The following CIB1 variants were observed in gnomAD, a reference collection of about 807,000 sequenced individuals.
CIB1 encodes the protein calcium and integrin-binding protein 1.
Under a neutral mutation model 25.0 loss-of-function variants are expected in CIB1, and 19 were observed. The observed-to-expected ratio is 0.76, with a 90% CI of 0.53 to 1.12. CIB1 has a LOEUF of 1.12. CIB1 is among the 50% of genes most tolerant of loss of function. The pLI is 0.00. For synonymous variants in CIB1, 104 were observed against 98.5 expected, an observed-to-expected ratio of 1.06 and a Z score of -0.33; for missense variants, 236 against 242.6, an observed-to-expected ratio of 0.97 and a Z score of 0.18.
At chr15:90,242,339 G>A in the CIB1 span, 3 of 241,734 alleles carry the variant, frequency 1.2e-5, no homozygotes, top group African/African-American at 4.7e-5. Context: ...TGCCCAGGCT[G>A]GTCTTGAACT....
the CIB1 span, among the ~76,000 whole-genome samples, chr15:90,240,674 A>G: frequency 1.3e-5 from 2 of 148,658 alleles, no homozygotes; most frequent in Non-Finnish European, 3.0e-5. Flanking sequence ...TTACCCGGGC[A>G]TGGTGGTGCC....
rs1413255880 is a variant in CIB1, at chr15:90,233,853, C to G, written c.33G>C (p.Glu11Asp). The G allele has an allele frequency of 2.6e-6, 4 of 1,526,202 alleles. No homozygotes were observed. In the Admixed American group the frequency reaches 6.2e-5, roughly 24 times the overall value. 94.5% of individuals were successfully genotyped at this position (1,526,202 alleles called of 1,614,324 possible). MGGSGSRLSK[E>D]LLAEYQDLTF... ...CGCGCACCTGGTACTCGGCCAGCAG[C>G]TCCTTGGACAGGCGACTGCCCGAGC... The change falls in exon 1 of 7, where the codon GAG becomes GAC. Residue 11 changes from glutamate to aspartate, a missense_variant. Transcript: ENST00000328649.
At chr15:90,246,260 G>A in the CIB1 span, among the ~76,000 whole-genome samples, 1 of 151,842 alleles carries the variant, frequency 6.6e-6, no homozygotes, top group Non-Finnish European at 1.5e-5. Context: ...GTGACAGAGC[G>A]AGACTCCATC....
At chr15:90,259,548 T>C in the CIB1 span, among the ~76,000 whole-genome samples, 2 of 152,236 alleles carry the variant, frequency 1.3e-5, no homozygotes, top group African/African-American at 2.4e-5. Context: ...TTAATATATA[T>C]GTATTTATAC....
At position 90,230,534 on chromosome 15, in the gene CIB1, T is replaced by C. The variant is rs374281114; in HGVS notation, c.555-29A>G. 1.2e-5 allele frequency: 19 copies of C among 1,551,500 alleles called. No individual in the cohort carries two copies. The African/African-American group carries it at 2.2e-4, about 18-fold the overall frequency. ...AACAAGAGAAAAGCGGTGGGTTTTC[T>C]GCTGGAAGAGGAGGGCAGGGACTAA... On this transcript the variant is annotated intron_variant, in intron 6 of 6. Coordinates refer to ENST00000328649, the MANE Select transcript of CIB1 (RefSeq NM_006384.4).
Position 90,232,164 on chromosome 15 carries a change from G to A in CIB1, c.195+55C>T, listed in dbSNP as rs997390986. The A allele has an allele frequency of 9.4e-6, 13 of 1,380,914 alleles. No homozygotes were observed. In the African/African-American group the frequency reaches 1.6e-4, roughly 17 times the overall value. 85.5% of individuals were successfully genotyped at this position (1,380,914 alleles called of 1,614,324 possible). ...AAGCTAGTGGCAGATGGAGTTAGGG[G>A]GTCTAGCAGGGAGGGAGTGGTGGGA... On this transcript the variant is annotated intron_variant, in intron 3 of 6. Transcript: ENST00000328649.
chr15:90,246,556 A>C, the CIB1 span, among the ~76,000 whole-genome samples: 3 of 151,924 alleles, frequency 2.0e-5, no homozygotes, highest in Non-Finnish European at 4.4e-5. Flanking sequence ...TGGGAGACCC[A>C]AGCAGGTGGA....
chr15:90,264,003 A>G, the CIB1 span: 14 of 1,536,004 alleles, frequency 9.1e-6, no homozygotes, highest in South Asian at 1.5e-4. Flanking sequence ...GTTCATTGTC[A>G]ATGAAGAAGG....
chr15:90,246,787 C>CAAAAAAAAAAAAAAAA, the CIB1 span, among the ~76,000 whole-genome samples: 8 of 45,248 alleles, frequency 1.8e-4, 1 homozygote, highest in Non-Finnish European at 1.7e-4. Flanking sequence ...GACTCTGTCT[C>CAAAAAAAAAAAAAAAA]AAAAAAAAAA....
upstream of CIB1, among the ~76,000 whole-genome samples, chr15:90,235,717 G>A (rs905843013): frequency 6.6e-6 from 1 of 151,740 alleles, no homozygotes; most frequent in Non-Finnish European, 1.5e-5. Context: ...ACAGGCACCC[G>A]CCACCACACC....
the CIB1 span, chr15:90,255,888 G>A: frequency 1.2e-6 from 2 of 1,614,072 alleles, no homozygotes; most frequent in Non-Finnish European, 1.7e-6. Context: ...CCCGCAGAGT[G>A]AGTGGGTCTG....
the CIB1 span, chr15:90,257,087 G>C: frequency 7.0e-6 from 11 of 1,562,188 alleles, no homozygotes; most frequent in Non-Finnish European, 9.6e-6. Context: ...ACAGCACATA[G>C]TAGGCACTTC....
the CIB1 span, chr15:90,255,769 C>T: frequency 1.2e-6 from 2 of 1,614,164 alleles, no homozygotes; most frequent in Non-Finnish European, 8.5e-7. Flanking sequence ...TCAACCACTT[C>T]CCTGGCATGA....
At chr15:90,251,701 T>C in the CIB1 span, 1 of 1,312,076 alleles carries the variant, frequency 7.6e-7, no homozygotes, top group Non-Finnish European at 1.1e-6. Flanking sequence ...CCCTGGGGCC[T>C]GGCGGGCTTG....
At chr15:90,242,431 C>CTTTTTTTTTTTTTTTTTTTT in the CIB1 span, 1 of 65,512 alleles carries the variant, frequency 1.5e-5, no homozygotes, top group Non-Finnish European at 3.1e-5. Context: ...TTTTCTGTTT[C>CTTTTTTTTTTTTTTTTTTTT]TTTTTTTTTT....
At chr15:90,264,892 G>C in the CIB1 span, 1 of 1,536,122 alleles carries the variant, frequency 6.5e-7, no homozygotes, top group Non-Finnish European at 8.7e-7. Context: ...GAGCAGCCAA[G>C]GTTCCCCTCT....
chr15:90,230,572 C>T (rs947785954), intron 6 of CIB1, 67 bp from the exon 7 acceptor site: 1 of 1,504,372 alleles, frequency 6.6e-7, no homozygotes, highest in South Asian at 1.2e-5. Context: ...CCGAACTTGC[C>T]CCCTTCTCCC....
At chr15:90,251,613 G>C in the CIB1 span, 2 of 1,612,186 alleles carry the variant, frequency 1.2e-6, no homozygotes, top group Non-Finnish European at 1.7e-6. Context: ...CCAGCCCGTC[G>C]CTCACACTGT....
the CIB1 span, among the ~76,000 whole-genome samples, chr15:90,251,875 TTTTA>T: frequency 7.3e-5 from 11 of 150,692 alleles, no homozygotes; most frequent in Admixed American, 7.3e-4. Flanking sequence ...CCTTCCCAGA[TTTTA>T]TTTATTTATT....
Sources: allele counts gnomAD v4.1 joint callset (sites outside exome capture counted in the v4.1 genomes callset), GRCh38; gene constraint gnomAD v4.1.1; transcripts MANE v1.5; gene names NCBI Gene and HGNC (gene_info 2026-07-23, HGNC 2026-07-21).